ZSWIM5: variants seen among roughly 807,000 people sequenced by gnomAD.
The protein encoded by ZSWIM5 is zinc finger SWIM domain-containing protein 5.
A neutral mutation model predicts 119.6 loss-of-function variants in ZSWIM5; 55 were observed. The ratio of observed to expected loss-of-function variants is 0.46; its 90% CI spans 0.37 to 0.58. The LOEUF (loss-of-function observed/expected upper bound fraction) is 0.58. Ranked by LOEUF, ZSWIM5 falls within the 20% of genes least tolerant of loss-of-function variation. ZSWIM5 has a pLI of 0.00. For synonymous variants in ZSWIM5, 537 were observed against 606.9 expected, an observed-to-expected ratio of 0.88 and a Z score of 1.69; for missense variants, 1,193 against 1,512.8, an observed-to-expected ratio of 0.79 and a Z score of 3.51.
chr1:45,079,782 C>T (rs903257408), intron 2 of ZSWIM5, among the ~76,000 whole-genome samples: 1 of 152,214 alleles, frequency 6.6e-6, no homozygotes, highest in African/African-American at 2.4e-5. Context: ...CAATGTAGTA[C>T]ATGAGTATCA....
At chr1:45,200,331 A>G (rs1646151522) in intron 1 of ZSWIM5, among the ~76,000 whole-genome samples, 2 of 152,226 alleles carry the variant, frequency 1.3e-5, no homozygotes, top group South Asian at 4.1e-4. Context: ...TACTAGCTCC[A>G]TGATAGGCTA....
intron 5 of ZSWIM5, 152 bp downstream of exon 5, chr1:45,050,922 G>A (rs552164473): frequency 1.5e-4 from 107 of 735,186 alleles, no homozygotes; most frequent in African/African-American, 1.5e-3. Context: ...CTTAAGGTTC[G>A]GCATTTCAAG....
chr1:45,127,936 G>T (rs1433634327), intron 1 of ZSWIM5, among the ~76,000 whole-genome samples: 2 of 152,038 alleles, frequency 1.3e-5, no homozygotes, highest in Non-Finnish European at 2.9e-5. Flanking sequence ...AACATATACA[G>T]AACTTTTATG....
intron 2 of ZSWIM5, among the ~76,000 whole-genome samples, chr1:45,074,373 C>CT (rs1319160665): frequency 6.6e-6 from 1 of 151,790 alleles, no homozygotes; most frequent in South Asian, 2.1e-4. Flanking sequence ...TACTGGGTGA[C>CT]TTTTTTTATT....
chr1:45,176,644 A>G (rs1288850681), intron 1 of ZSWIM5, among the ~76,000 whole-genome samples: 2 of 152,060 alleles, frequency 1.3e-5, no homozygotes, highest in Non-Finnish European at 2.9e-5. Context: ...TAGTTGATCA[A>G]TATCTATAAA....
rs560875479 is a variant in ZSWIM5 at position 45,179,480 on chromosome 1, C to T, written c.595+26276G>A. On this transcript the variant is annotated intron_variant, in intron 1 of 13. Transcript: ENST00000359600. ...AGAGGGTTAGGGTTGAAAAAAAATA[C>T]CTATTGGGTACTATGCTCACTACCT... Among the ~76,000 whole-genome samples, 3 of 152,106 alleles carry T rather than the reference C, an allele frequency of 2.0e-5. No homozygotes were observed. In the South Asian group the frequency reaches 6.2e-4, roughly 32 times the overall value.
chr1:45,148,821 C>G (rs1286722442), intron 1 of ZSWIM5, among the ~76,000 whole-genome samples: 1 of 152,188 alleles, frequency 6.6e-6, no homozygotes, highest in East Asian at 1.9e-4. Context: ...AGACACTGAA[C>G]CCTTTATAAT....
intron 1 of ZSWIM5, among the ~76,000 whole-genome samples, chr1:45,183,978 A>G (rs958140841): frequency 6.6e-5 from 10 of 152,308 alleles, no homozygotes; most frequent in Non-Finnish European, 1.0e-4. Flanking sequence ...TCCTTGATGA[A>G]CATTGATGCA....
intron 1 of ZSWIM5, among the ~76,000 whole-genome samples, chr1:45,144,939 A>G (rs113427414): frequency 0.015 from 2,290 of 152,298 alleles, 77 homozygotes; most frequent in African/African-American, 0.053. Flanking sequence ...ACTTGCATCT[A>G]GGATAGAAAA....
intron 1 of ZSWIM5, among the ~76,000 whole-genome samples, chr1:45,183,769 C>T (rs1646038130): frequency 6.6e-6 from 1 of 152,124 alleles, no homozygotes; most frequent in African/African-American, 2.4e-5. Context: ...AGCTTACCAA[C>T]CAAAAAGAGT....
intron 5 of ZSWIM5, 71 bp downstream of exon 5, chr1:45,051,003 T>C (rs1224319553): frequency 1.4e-6 from 2 of 1,427,928 alleles, no homozygotes; most frequent in African/African-American, 1.4e-5. Flanking sequence ...CCAGCTACCA[T>C]TGTTCTAGGG....
At chr1:45,198,466 G>T (rs1333450741) in intron 1 of ZSWIM5, among the ~76,000 whole-genome samples, 2 of 152,174 alleles carry the variant, frequency 1.3e-5, no homozygotes, top group East Asian at 3.8e-4. Context: ...ACTTTCCGGA[G>T]GGACAAAGAA....
intron 1 of ZSWIM5, among the ~76,000 whole-genome samples, chr1:45,137,893 T>C (rs1442629504): frequency 2.6e-5 from 4 of 152,242 alleles, no homozygotes; most frequent in East Asian, 1.9e-4. Context: ...GTTGAGAACA[T>C]ACTATACTGA....
intron 2 of ZSWIM5, among the ~76,000 whole-genome samples, chr1:45,061,864 G>A (rs1487903331): frequency 6.6e-6 from 1 of 151,594 alleles, no homozygotes; most frequent in Non-Finnish European, 1.5e-5. Context: ...GCTGAGGCAG[G>A]TGGATCACTT....
chr1:45,062,851 A>G (rs1040119875), intron 2 of ZSWIM5, among the ~76,000 whole-genome samples: 12 of 152,160 alleles, frequency 7.9e-5, no homozygotes, highest in African/African-American at 2.7e-4. Flanking sequence ...TTCAGGGGAT[A>G]TACGTACAGG....
Position 45,173,865 on chromosome 1 carries a change from T to C in ZSWIM5, c.595+31891A>G, listed in dbSNP as rs1460835536. Reference sequence around the variant, plus strand: ...AAAGACTGTAAATTTATATAACCAATAAAGACATAATTGCTTAAAAAACTT... The same window carrying C: ...AAAGACTGTAAATTTATATAACCAACAAAGACATAATTGCTTAAAAAACTT... On this transcript the variant is annotated intron_variant, in intron 1 of 13. Transcript: ENST00000359600. Among the ~76,000 whole-genome samples the C allele has an allele frequency of 2.0e-5, 3 of 152,134 alleles. No individual in the cohort carries two copies. The East Asian group carries it at 5.8e-4, about 29-fold the overall frequency.
intron 1 of ZSWIM5, among the ~76,000 whole-genome samples, chr1:45,138,012 G>C (rs1645699960): frequency 6.6e-6 from 1 of 152,150 alleles, no homozygotes; most frequent in Non-Finnish European, 1.5e-5. Flanking sequence ...GTTGGAAGCA[G>C]TTCCTCCAAT....
intron 1 of ZSWIM5, among the ~76,000 whole-genome samples, chr1:45,103,128 A>G (rs1404221529): frequency 6.6e-6 from 1 of 152,110 alleles, no homozygotes; most frequent in Non-Finnish European, 1.5e-5. Flanking sequence ...TTGGCCTCCC[A>G]AAGTGCTGAG....
intron 12 of ZSWIM5, 116 bp downstream of exon 12, chr1:45,020,509 G>A: frequency 8.1e-7 from 1 of 1,238,786 alleles, no homozygotes; most frequent in South Asian, 1.5e-5. Flanking sequence ...CTTGTGTTCT[G>A]GGCCCAAAGG....
Sources: gnomAD v4.1 joint callset for allele counts (sites outside exome capture counted in the v4.1 genomes callset) on GRCh38, gnomAD v4.1.1 for gene constraint, MANE v1.5 for transcripts, NCBI Gene and HGNC (gene_info 2026-07-23, HGNC 2026-07-21) for gene names.